Variants in CDH10 observed in about 807,000 individuals in gnomAD.
The protein encoded by CDH10 is cadherin 10.
A neutral mutation model predicts 73.1 loss-of-function variants in CDH10; 30 were observed. The observed-to-expected ratio is 0.41, with a 90% CI of 0.31 to 0.56. CDH10 has a LOEUF of 0.56. Among genes scored for constraint, CDH10 ranks in the 20% least tolerant of loss-of-function variants. The pLI is 0.27. For synonymous variants in CDH10, 345 were observed against 348.2 expected (o/e 0.99, Z 0.10); for missense variants, 815 against 973.7 (o/e 0.84, Z 2.17).
chr5:24,490,086 C>A (rs1741994842), intron 11 of CDH10, among the ~76,000 whole-genome samples: 1 of 152,092 alleles, frequency 6.6e-6, no homozygotes. Context: ...CAATGAGAGT[C>A]TGAAACACAG....
At chr5:24,568,799 A>T (rs1745256558) in intron 2 of CDH10, among the ~76,000 whole-genome samples, 1 of 152,172 alleles carries the variant, frequency 6.6e-6, no homozygotes, top group Non-Finnish European at 1.5e-5. Context: ...ACACAATACA[A>T]CATGATTCAG....
At chr5:24,506,112 CAA>C (rs956289293) in intron 7 of CDH10, among the ~76,000 whole-genome samples, 79 of 81,842 alleles carry the variant, frequency 9.7e-4, no homozygotes, top group East Asian at 1.3e-3. Flanking sequence ...AAGACTCCGT[CAA>C]AAAAAAAAAA....
At chr5:24,626,186 G>A (rs1747491711) in intron 1 of CDH10, among the ~76,000 whole-genome samples, 1 of 152,142 alleles carries the variant, frequency 6.6e-6, no homozygotes, top group African/African-American at 2.4e-5. Context: ...CCAAAACAAT[G>A]TGGTTGACGA....
intron 8 of CDH10, among the ~76,000 whole-genome samples, chr5:24,504,137 G>A (rs1488169051): frequency 6.6e-6 from 1 of 151,956 alleles, no homozygotes; most frequent in African/African-American, 2.4e-5. Flanking sequence ...TTGAGTTAAA[G>A]GTACTCAAAA....
intron 1 of CDH10, among the ~76,000 whole-genome samples, chr5:24,606,512 G>C (rs952970837): frequency 6.6e-6 from 1 of 152,110 alleles, no homozygotes; most frequent in African/African-American, 2.4e-5. Flanking sequence ...TTGAGAGGCT[G>C]AGGCAGGAGA....
chr5:24,570,946 C>A (rs1234541375), intron 2 of CDH10, among the ~76,000 whole-genome samples: 2 of 151,908 alleles, frequency 1.3e-5, no homozygotes, highest in African/African-American at 2.4e-5. Flanking sequence ...GTTTTGAAGT[C>A]CTACTGGCTT....
At chr5:24,514,752 T>C (rs534665496) in intron 5 of CDH10, among the ~76,000 whole-genome samples, 12 of 152,282 alleles carry the variant, frequency 7.9e-5, no homozygotes, top group South Asian at 2.1e-4. Flanking sequence ...GTATCTATTC[T>C]CAAAGCTAGA....
intron 1 of CDH10, among the ~76,000 whole-genome samples, chr5:24,636,801 C>CG (rs2112210390): frequency 6.6e-6 from 1 of 152,052 alleles, no homozygotes; most frequent in Admixed American, 6.6e-5. Context: ...TGGGCCCTTG[C>CG]TTTATCCCAC....
chr5:24,488,008 G>A lies in CDH10; in HGVS notation c.2022C>T (p.Thr674=), dbSNP rs760760327. The change falls in exon 12 of 12, where the codon ACC becomes ACT. Residue 674 remains threonine, a synonymous_variant. Transcript: ENST00000264463. The part of the protein sequence containing the change: ...EEDTQAFDIG[T]LRNPAAIEEK... Reference sequence around the variant, plus strand: ...CCTCAATGGCTGCAGGATTCCTCAGGGTGCCGATATCAAAGGCCTGGGTGT... The same window carrying A: ...CCTCAATGGCTGCAGGATTCCTCAGAGTGCCGATATCAAAGGCCTGGGTGT... 6.2e-7 allele frequency: 1 copy of A among 1,613,702 alleles called. No homozygotes were observed. Among genetic ancestry groups the A allele is most frequent in the South Asian group, 1.1e-5 (1 of 91,072 alleles).
intron 1 of CDH10, among the ~76,000 whole-genome samples, chr5:24,639,122 A>G (rs1279486941): frequency 3.3e-5 from 5 of 151,712 alleles, no homozygotes; most frequent in African/African-American, 1.2e-4. Context: ...ATCTATCAAA[A>G]AATAAGCCTA....
At chr5:24,539,112 A>G (rs1157402211) in intron 2 of CDH10, among the ~76,000 whole-genome samples, 1 of 152,072 alleles carries the variant, frequency 6.6e-6, no homozygotes, top group Non-Finnish European at 1.5e-5. Context: ...CATAAAATCT[A>G]GACATAAATC....
chr5:24,606,473 T>C (rs1252764880), intron 1 of CDH10, among the ~76,000 whole-genome samples: 2 of 152,016 alleles, frequency 1.3e-5, no homozygotes, highest in Middle Eastern at 3.2e-3. Context: ...TAGCCAGGCA[T>C]GGTGGCATGT....
At chr5:24,563,826 C>T (rs11745444) in intron 2 of CDH10, among the ~76,000 whole-genome samples, 124,434 of 149,974 alleles carry the variant, frequency 0.83, 51,682 homozygotes, top group East Asian at 0.91. Context: ...AAATATCCCA[C>T]TCTTTATAAA....
intron 1 of CDH10, among the ~76,000 whole-genome samples, chr5:24,605,343 CCAAT>C (rs1746724753): frequency 6.6e-6 from 1 of 152,158 alleles, no homozygotes; most frequent in Non-Finnish European, 1.5e-5. Context: ...CCTGTCAGAT[CCAAT>C]CAGCAGTAGA....
At chr5:24,555,420 T>G (rs1176370405) in intron 2 of CDH10, among the ~76,000 whole-genome samples, 1 of 152,102 alleles carries the variant, frequency 6.6e-6, no homozygotes, top group Non-Finnish European at 1.5e-5. Flanking sequence ...CACACTTCCA[T>G]AGATGTGGCC....
At chr5:24,520,323 A>C (rs1477891719) in intron 5 of CDH10, among the ~76,000 whole-genome samples, 1 of 152,206 alleles carries the variant, frequency 6.6e-6, no homozygotes, top group Non-Finnish European at 1.5e-5. Flanking sequence ...ATATGGAAAA[A>C]TATGGGTAAA....
At chr5:24,521,098 G>C (rs1379073375) in intron 5 of CDH10, among the ~76,000 whole-genome samples, 1 of 151,854 alleles carries the variant, frequency 6.6e-6, no homozygotes, top group African/African-American at 2.4e-5. Context: ...AGATTTAACA[G>C]GAAAACAAAA....
intron 8 of CDH10, among the ~76,000 whole-genome samples, chr5:24,502,733 C>T (rs925409069): frequency 6.6e-6 from 1 of 152,074 alleles, no homozygotes; most frequent in Non-Finnish European, 1.5e-5. Flanking sequence ...AGGGAAAATG[C>T]AATTCCTTGT....
chr5:24,560,262 T>A (rs2111985025), intron 2 of CDH10, among the ~76,000 whole-genome samples: 1 of 151,368 alleles, frequency 6.6e-6, no homozygotes, highest in South Asian at 2.1e-4. Flanking sequence ...TTCAACATTC[T>A]ACACATTTCC....
Sources: allele counts gnomAD v4.1 joint callset (sites outside exome capture counted in the v4.1 genomes callset), GRCh38; gene constraint gnomAD v4.1.1; transcripts MANE v1.5; gene names NCBI Gene and HGNC (gene_info 2026-07-23, HGNC 2026-07-21).